TAFA2: variants seen among roughly 807,000 people sequenced by gnomAD.
TAFA2 encodes TAFA chemokine like family member 2.
TAFA2 carries 7 observed loss-of-function variants against 18.8 expected under a neutral mutation model. That is an observed-to-expected ratio of 0.37 (90% CI 0.21 to 0.70). The LOEUF is 0.70. TAFA2 is among the 30% of genes least tolerant of loss of function. The pLI, the probability that TAFA2 is intolerant of heterozygous loss-of-function variation, is 0.53. For synonymous variants in TAFA2, 60 were observed against 54.2 expected (o/e 1.11, Z -0.47); for missense variants, 122 against 158.1 (o/e 0.77, Z 1.23).
intron 1 of TAFA2, among the ~76,000 whole-genome samples, chr12:61,915,275 CA>C (rs1195878126): frequency 1.3e-5 from 2 of 152,222 alleles, no homozygotes; most frequent in East Asian, 3.9e-4. Flanking sequence ...GAAGGATCCA[CA>C]AAAATACGTA....
intron 1 of TAFA2, among the ~76,000 whole-genome samples, chr12:62,005,018 A>T (rs967979801): frequency 6.6e-6 from 1 of 152,080 alleles, no homozygotes; most frequent in South Asian, 2.1e-4. Context: ...GTTACCAGGG[A>T]TGGGGTGAGG....
intron 1 of TAFA2, among the ~76,000 whole-genome samples, chr12:62,034,055 G>A (rs1243378851): frequency 1.3e-5 from 2 of 152,170 alleles, no homozygotes; most frequent in Non-Finnish European, 2.9e-5. Flanking sequence ...AGAGAAAGAG[G>A]TTGGGGGAAA....
At chr12:61,902,767 G>C (rs1460553775) in intron 1 of TAFA2, among the ~76,000 whole-genome samples, 1 of 152,034 alleles carries the variant, frequency 6.6e-6, no homozygotes, top group African/African-American at 2.4e-5. Context: ...TTGACAATTT[G>C]GCACCACCAG....
At chr12:61,861,113 G>A (rs984199492) in intron 2 of TAFA2, among the ~76,000 whole-genome samples, 1 of 152,046 alleles carries the variant, frequency 6.6e-6, no homozygotes, top group Admixed American at 6.5e-5. Context: ...ACCATGCCTG[G>A]CTAATTTTTT....
chr12:61,831,599 A>C (rs1050308972), intron 2 of TAFA2, among the ~76,000 whole-genome samples: 1 of 152,134 alleles, frequency 6.6e-6, no homozygotes, highest in Non-Finnish European at 1.5e-5. Context: ...AGCATTAAAA[A>C]TACTGTTTTT....
At chr12:62,021,470 C>T (rs1010027596) in intron 1 of TAFA2, 1 of 433,116 alleles carries the variant, frequency 2.3e-6, no homozygotes, top group African/African-American at 3.4e-5. Context: ...TCCACTGCAT[C>T]ATTCTTTTTT....
intron 1 of TAFA2, among the ~76,000 whole-genome samples, chr12:61,995,043 T>A (rs2136693255): frequency 6.6e-6 from 1 of 152,330 alleles, no homozygotes; most frequent in Middle Eastern, 3.4e-3. Context: ...AGAGTGTTCC[T>A]ATTAACATAA....
intron 2 of TAFA2, among the ~76,000 whole-genome samples, chr12:61,861,890 C>T (rs960687521): frequency 1.3e-5 from 2 of 152,132 alleles, no homozygotes; most frequent in Non-Finnish European, 2.9e-5. Context: ...CAAAAGTTCT[C>T]ACTCAGACCA....
chr12:61,879,961 C>T (rs1463497318), intron 1 of TAFA2: 2 of 871,038 alleles, frequency 2.3e-6, no homozygotes, highest in Non-Finnish European at 3.9e-6. Context: ...TGGAGTCTCA[C>T]CTGGAAGGGC....
At chr12:62,158,379 T>C (rs1213796901) in intron 1 of TAFA2, among the ~76,000 whole-genome samples, 1 of 152,236 alleles carries the variant, frequency 6.6e-6, no homozygotes, top group East Asian at 1.9e-4. Flanking sequence ...CACATTCTTT[T>C]GGTACTAGTC....
intron 2 of TAFA2, among the ~76,000 whole-genome samples, chr12:61,835,203 C>G (rs1220118194): frequency 2.0e-5 from 3 of 152,016 alleles, no homozygotes; most frequent in Non-Finnish European, 4.4e-5. Context: ...AGGATTACTG[C>G]TAACAGTAAT....
intron 1 of TAFA2, among the ~76,000 whole-genome samples, chr12:61,992,343 TTC>T (rs888743295): frequency 8.5e-5 from 13 of 152,132 alleles, no homozygotes; most frequent in African/African-American, 2.9e-4. Flanking sequence ...ATTCCCCTCT[TTC>T]TCTCACACTC....
At chr12:61,876,201 T>C (rs554573431) in intron 1 of TAFA2, among the ~76,000 whole-genome samples, 1 of 152,270 alleles carries the variant, frequency 6.6e-6, no homozygotes, top group East Asian at 1.9e-4. Context: ...TCTATTATCA[T>C]TGGGACTAGT....
At chr12:61,993,361 G>A (rs1299206032) in intron 1 of TAFA2, among the ~76,000 whole-genome samples, 1 of 152,038 alleles carries the variant, frequency 6.6e-6, no homozygotes, top group African/African-American at 2.4e-5. Flanking sequence ...AAGTGTACAT[G>A]CTTTTCTGTA....
At chr12:62,123,853 G>A (rs1870333804) in intron 1 of TAFA2, among the ~76,000 whole-genome samples, 1 of 148,318 alleles carries the variant, frequency 6.7e-6, no homozygotes, top group South Asian at 2.2e-4. Context: ...CATCAAAATC[G>A]CTCCTGAGAT....
chr12:62,136,768 G>T (rs1030053127), intron 1 of TAFA2, among the ~76,000 whole-genome samples: 1 of 152,102 alleles, frequency 6.6e-6, no homozygotes, highest in Non-Finnish European at 1.5e-5. Flanking sequence ...AATTTCTCTC[G>T]CATGCAGAGA....
chr12:62,146,233 C>T (rs548619660), intron 1 of TAFA2, among the ~76,000 whole-genome samples: 1 of 152,010 alleles, frequency 6.6e-6, no homozygotes, highest in African/African-American at 2.4e-5. Flanking sequence ...ATATGCCATA[C>T]CACTGCCCTC....
chr12:62,167,849 G>A (rs146191325), intron 1 of TAFA2, among the ~76,000 whole-genome samples: 94 of 152,186 alleles, frequency 6.2e-4, no homozygotes, highest in African/African-American at 2.2e-3. Context: ...TAAAAATCAG[G>A]TTGTTCAAAA....
At chr12:61,757,419 G>C (rs1030190271) in intron 2 of TAFA2, among the ~76,000 whole-genome samples, 14 of 152,012 alleles carry the variant, frequency 9.2e-5, no homozygotes, top group Non-Finnish European at 1.8e-4. Context: ...GATGAGGTTA[G>C]TATATCTGTA....
Sources: gnomAD v4.1 joint callset for allele counts (sites outside exome capture counted in the v4.1 genomes callset) on GRCh38, gnomAD v4.1.1 for gene constraint, MANE v1.5 for transcripts, NCBI Gene and HGNC (gene_info 2026-07-23, HGNC 2026-07-21) for gene names.